The following HERC3 variants were observed in gnomAD, a reference collection of about 807,000 sequenced individuals.
HERC3 encodes HECT and RLD domain containing E3 ubiquitin protein ligase 3.
HERC3 carries 58 observed loss-of-function variants against 129.9 expected under a neutral mutation model. The observed-to-expected ratio is 0.45, with a 90% CI of 0.36 to 0.56. The LOEUF (loss-of-function observed/expected upper bound fraction) is 0.56, where lower values mean the gene tolerates loss of function less well. Ranked by LOEUF, HERC3 falls within the 20% of genes least tolerant of loss-of-function variation. The pLI, the probability that HERC3 is intolerant of heterozygous loss-of-function variation, is 0.00. For synonymous variants in HERC3, 430 were observed against 451.0 expected (o/e 0.95, Z 0.59); for missense variants, 835 against 1,244.2 (o/e 0.67, Z 4.95).
At chr4:88,619,913 A>G (rs1725329715) in intron 3 of HERC3, among the ~76,000 whole-genome samples, 1 of 152,234 alleles carries the variant, frequency 6.6e-6, no homozygotes, top group Non-Finnish European at 1.5e-5. Flanking sequence ...AATTTTTAAA[A>G]GAGTAATACC....
At chr4:88,632,404 A>G (rs1726874775) in intron 3 of HERC3, among the ~76,000 whole-genome samples, 1 of 152,250 alleles carries the variant, frequency 6.6e-6, no homozygotes, top group African/African-American at 2.4e-5. Flanking sequence ...TATTCAGCAT[A>G]GGAAAAACCA....
chr4:88,704,863 C>CTTTTTTTTTTTT (rs1165694315), intron 25 of HERC3, among the ~76,000 whole-genome samples: 123 of 130,634 alleles, frequency 9.4e-4, no homozygotes, highest in African/African-American at 3.2e-3. Context: ...TTCTTTCTTT[C>CTTTTTTTTTTTT]TTTTTTTTTT....
intron 21 of HERC3, among the ~76,000 whole-genome samples, chr4:88,683,700 T>C (rs1733068726): frequency 6.6e-6 from 1 of 152,238 alleles, no homozygotes; most frequent in South Asian, 2.1e-4. Flanking sequence ...AGAGCTGGGA[T>C]ATGATTGTTG....
chr4:88,601,759 G>C (rs1399357341), intron 2 of HERC3, among the ~76,000 whole-genome samples: 1 of 143,920 alleles, frequency 6.9e-6, no homozygotes. Flanking sequence ...AGTATGATTA[G>C]AAAAGGATAT....
chr4:88,617,402 A>C (rs1012818508), intron 3 of HERC3, among the ~76,000 whole-genome samples: 7 of 152,184 alleles, frequency 4.6e-5, no homozygotes, highest in Non-Finnish European at 7.4e-5. Flanking sequence ...AACATTTTCC[A>C]CTTCAAATAG....
chr4:88,645,244 G>A (rs1462073712), intron 3 of HERC3, among the ~76,000 whole-genome samples: 3 of 152,120 alleles, frequency 2.0e-5, no homozygotes, highest in African/African-American at 7.2e-5. Flanking sequence ...GAAATCAAGA[G>A]TTAGGGTGAA....
intron 10 of HERC3, among the ~76,000 whole-genome samples, chr4:88,658,915 A>G (rs753791402): frequency 2.0e-5 from 3 of 152,134 alleles, no homozygotes; most frequent in East Asian, 3.8e-4. Flanking sequence ...AGGTACCACA[A>G]TTTTCAGATG....
At chr4:88,702,888 A>G (rs1446984923) in intron 23 of HERC3, among the ~76,000 whole-genome samples, 1 of 152,202 alleles carries the variant, frequency 6.6e-6, no homozygotes, top group Non-Finnish European at 1.5e-5. Context: ...CCTATGGACA[A>G]TGGCCAGGCC....
chr4:88,600,600 T>C (rs992558524), intron 2 of HERC3, among the ~76,000 whole-genome samples: 2 of 152,248 alleles, frequency 1.3e-5, no homozygotes, highest in Non-Finnish European at 2.9e-5. Context: ...TTTTTATGGG[T>C]TGTCATCTCA....
rs370187033 is a variant in HERC3 at position 88,706,990 on chromosome 4, C to A, written c.*30C>A. 1.3e-6 allele frequency: 2 copies of A among 1,555,342 alleles called. No individual in the cohort carries two copies. Among genetic ancestry groups the A allele is most frequent in the South Asian group, 1.1e-5 (1 of 89,884 alleles). ...TCTCAGCTTGTCCAGTATTTCCCTTCGTTCCTCAGTGTCCACATTGAGGCC... is the reference window on the plus strand; with the variant it reads ...TCTCAGCTTGTCCAGTATTTCCCTTAGTTCCTCAGTGTCCACATTGAGGCC... On this transcript the variant is annotated 3_prime_UTR_variant, in exon 26 of 26. Coordinates refer to ENST00000402738, the MANE Select transcript of HERC3 (RefSeq NM_014606.3).
chr4:88,670,710 GT>G (rs143011195), intron 16 of HERC3, among the ~76,000 whole-genome samples: 3 of 151,318 alleles, frequency 2.0e-5, no homozygotes, highest in Non-Finnish European at 4.4e-5. Context: ...GTTATGTTAG[GT>G]TTTTTTTTAA....
Position 88,707,874 on chromosome 4 carries a change from C to T in HERC3, c.*914C>T, listed in dbSNP as rs1735898766. ...ATCACCTTATGTCCTCTACCATTTT[C>T]TCCTTCCTCCCTTCCCTTATTTTCT... On this transcript the variant is annotated 3_prime_UTR_variant, in exon 26 of 26. Coordinates refer to ENST00000402738, the MANE Select transcript of HERC3 (RefSeq NM_014606.3). The T allele has an allele frequency of 1.3e-5, 2 of 152,406 alleles. No individual in the cohort carries two copies. Among genetic ancestry groups the T allele is most frequent in the East Asian group, 3.9e-4 (2 of 5,178 alleles). The allele number at this position is 152,406 out of a possible 1,614,324, so 9.4% of individuals were successfully genotyped here.
intron 10 of HERC3, among the ~76,000 whole-genome samples, chr4:88,661,797 A>G (rs957590016): frequency 5.4e-4 from 82 of 152,194 alleles, no homozygotes; most frequent in African/African-American, 1.9e-3. Flanking sequence ...ATTAAGAGTC[A>G]TTGTTTTTAT....
At chr4:88,632,102 A>G (rs577247846) in intron 3 of HERC3, among the ~76,000 whole-genome samples, 1 of 152,308 alleles carries the variant, frequency 6.6e-6, no homozygotes, top group African/African-American at 2.4e-5. Flanking sequence ...AGAAACCTGG[A>G]AGTATTTGGG....
At chr4:88,577,976 C>CT in the HERC3 span, among the ~76,000 whole-genome samples, 1 of 152,130 alleles carries the variant, frequency 6.6e-6, no homozygotes, top group Non-Finnish European at 1.5e-5. Flanking sequence ...TTCTGTAACA[C>CT]TAGAAGATTC....
At chr4:88,566,905 TC>T in the HERC3 span, among the ~76,000 whole-genome samples, 1 of 152,210 alleles carries the variant, frequency 6.6e-6, no homozygotes, top group African/African-American at 2.4e-5. Context: ...TTCTCCCACC[TC>T]AGCCTCTCAA....
At chr4:88,638,004 A>G (rs1490435125) in intron 3 of HERC3, among the ~76,000 whole-genome samples, 1 of 152,162 alleles carries the variant, frequency 6.6e-6, no homozygotes, top group Non-Finnish European at 1.5e-5. Context: ...ATGGACAAAT[A>G]CCTGGACACA....
the HERC3 span, among the ~76,000 whole-genome samples, chr4:88,545,584 T>C: frequency 9.2e-5 from 14 of 152,060 alleles, no homozygotes; most frequent in East Asian, 2.7e-3. Flanking sequence ...TAGGGAATTA[T>C]GTATGAGAAT....
chr4:88,622,899 A>C (rs953811330), intron 3 of HERC3, among the ~76,000 whole-genome samples: 1 of 152,232 alleles, frequency 6.6e-6, no homozygotes, highest in Admixed American at 6.5e-5. Context: ...ACTGCACTCC[A>C]GCCTTGTGAC....
Sources: allele counts gnomAD v4.1 joint callset (sites outside exome capture counted in the v4.1 genomes callset), GRCh38; gene constraint gnomAD v4.1.1; transcripts MANE v1.5; gene names NCBI Gene and HGNC (gene_info 2026-07-23, HGNC 2026-07-21).